Variants in PARD3 observed in about 807,000 individuals in gnomAD.
The protein encoded by PARD3 is partitioning defective 3 homolog.
Under a neutral mutation model 155.4 loss-of-function variants are expected in PARD3, and 75 were observed. The observed-to-expected ratio is 0.48, with a 90% CI of 0.40 to 0.58. The LOEUF (loss-of-function observed/expected upper bound fraction) is 0.58. Ranked by LOEUF, PARD3 falls within the 20% of genes least tolerant of loss-of-function variation. The pLI is 0.00. For synonymous variants in PARD3, 576 were observed against 610.5 expected (o/e 0.94, Z 0.83); for missense variants, 1,642 against 1,721.7 (o/e 0.95, Z 0.82).
rs1479206946 is a variant in PARD3 at position 34,528,892 on chromosome 10, A to G, written c.223-11733T>C. On this transcript the variant is annotated intron_variant, in intron 2 of 24. Transcript: ENST00000374788. ...ATGGAAAGGTGGTGAAAAGACAATC[A>G]GGATGTATAATTATTCAAATGCAGA... Among the ~76,000 whole-genome samples the G allele has an allele frequency of 4.6e-5, 7 of 152,316 alleles. No homozygotes were observed. The East Asian group carries it at 1.2e-3, about 25-fold the overall frequency.
In PARD3 at chr10:34,736,657, T is replaced by TTAATTA. The variant is rs1564563661; in HGVS notation, c.121-40239_121-40238insTAATTA. Among the ~76,000 whole-genome samples the TTAATTA allele has an allele frequency of 1.2e-3, 139 of 119,470 alleles. No individual in the cohort carries two copies. In the East Asian group the frequency reaches 0.028, roughly 24 times the overall value. The allele number at this position is 119,470 out of a possible 152,430, so 78.4% of individuals were successfully genotyped here. A position where few individuals can be genotyped will look rare whatever the true frequency, so the allele number is the denominator to read the frequency against. On this transcript the variant is annotated intron_variant, in intron 1 of 24. Coordinates refer to ENST00000374788, the MANE Select transcript of PARD3 (RefSeq NM_001184785.2). The stretch of plus-strand genomic sequence containing the variant: ...AGGTTACTTTATTAATTAATTAATT[T>TTAATTA]ATTTATTTATTTATTTATTTATTTA...
chr10:34,472,567 T>A (rs991069364), intron 3 of PARD3, among the ~76,000 whole-genome samples: 1 of 152,306 alleles, frequency 6.6e-6, no homozygotes, highest in Admixed American at 6.5e-5. Flanking sequence ...ACAGATTCTG[T>A]TGCTGTCCAA....
At chr10:34,481,488 C>G (rs533579445) in intron 3 of PARD3, among the ~76,000 whole-genome samples, 1 of 152,148 alleles carries the variant, frequency 6.6e-6, no homozygotes, top group Non-Finnish European at 1.5e-5. Flanking sequence ...TGCATAAAAA[C>G]GTGGTATCCC....
intron 5 of PARD3, among the ~76,000 whole-genome samples, chr10:34,416,562 G>A (rs1047749667): frequency 3.3e-5 from 5 of 152,130 alleles, no homozygotes; most frequent in Non-Finnish European, 5.9e-5. Context: ...AGGCATCTTT[G>A]CACCTACAGC....
At chr10:34,807,070 T>C (rs907943838) in intron 1 of PARD3, among the ~76,000 whole-genome samples, 3 of 151,468 alleles carry the variant, frequency 2.0e-5, no homozygotes, top group Admixed American at 2.0e-4. Context: ...GTAGAAGGAG[T>C]CTCTGGCTAA....
At chr10:34,170,864 T>C (rs1274123423) in intron 22 of PARD3, among the ~76,000 whole-genome samples, 1 of 152,234 alleles carries the variant, frequency 6.6e-6, no homozygotes, top group East Asian at 1.9e-4. Flanking sequence ...CAGCCTTGAT[T>C]AGTGCATCTG....
intron 22 of PARD3, among the ~76,000 whole-genome samples, chr10:34,268,686 C>T (rs1955461051): frequency 6.6e-6 from 1 of 151,902 alleles, no homozygotes; most frequent in South Asian, 2.1e-4. Context: ...GGACAGAAAA[C>T]CAAACACCAC....
chr10:34,172,000 C>T lies in PARD3; in HGVS notation c.3420-40417G>A, dbSNP rs913189330. 1.1e-4 allele frequency among the ~76,000 whole-genome samples: 16 copies of T among 149,588 alleles called. 1 individual carries two copies. Among genetic ancestry groups the T allele is most frequent in the Admixed American group, 6.7e-4 (10 of 14,994 alleles). On this transcript the variant is annotated intron_variant, in intron 22 of 24. Coordinates refer to ENST00000374788, the MANE Select transcript of PARD3 (RefSeq NM_001184785.2). ...AAAAAAAAAATTCAGAGTCCTCAACCCAACCCCCAACTTCTCTGGGTCTTT... is the reference window on the plus strand; with the variant it reads ...AAAAAAAAAATTCAGAGTCCTCAACTCAACCCCCAACTTCTCTGGGTCTTT...
chr10:34,174,913 A>G (rs1160877129), intron 22 of PARD3, among the ~76,000 whole-genome samples: 3 of 152,142 alleles, frequency 2.0e-5, no homozygotes, highest in African/African-American at 7.2e-5. Flanking sequence ...AGTATCTGTT[A>G]TTTTATTTAT....
At chr10:34,292,721 TA>T (rs201985561) in intron 20 of PARD3, among the ~76,000 whole-genome samples, 395 of 149,796 alleles carry the variant, frequency 2.6e-3, no homozygotes, top group Middle Eastern at 0.014. Flanking sequence ...TTATTATTAT[TA>T]TTTTTTTTTT....
At chr10:34,512,618 T>C (rs2081467429) in intron 3 of PARD3, among the ~76,000 whole-genome samples, 1 of 152,220 alleles carries the variant, frequency 6.6e-6, no homozygotes, top group African/African-American at 2.4e-5. Flanking sequence ...AATGCTGAGT[T>C]ACTGGGTTGG....
chr10:34,349,018 A>G (rs1306313094), intron 14 of PARD3, among the ~76,000 whole-genome samples: 4 of 152,184 alleles, frequency 2.6e-5, no homozygotes, highest in Admixed American at 2.0e-4. Context: ...ATTTAACTAC[A>G]ATCCTCATAA....
At position 34,795,331 on chromosome 10, in the gene PARD3, G is replaced by C. The variant is rs1842130125; in HGVS notation, c.120+19545C>G. ...CACTGGTAGTAAAACGTATTTCAGA[G>C]CAGGCATGGTAGTTCATACCTATAA... On this transcript the variant is annotated intron_variant, in intron 1 of 24. Coordinates refer to ENST00000374788, the MANE Select transcript of PARD3 (RefSeq NM_001184785.2). 2.0e-5 allele frequency among the ~76,000 whole-genome samples: 3 copies of C among 152,198 alleles called. No individual in the cohort carries two copies. In the South Asian group the frequency reaches 6.2e-4, roughly 32 times the overall value.
chr10:34,176,759 A>C (rs145312114), intron 22 of PARD3, among the ~76,000 whole-genome samples: 197 of 152,368 alleles, frequency 1.3e-3, no homozygotes, highest in African/African-American at 4.4e-3. Flanking sequence ...CAAAAAATAT[A>C]GCTTGCAAAG....
At chr10:34,556,432 G>T (rs1486145514) in intron 2 of PARD3, among the ~76,000 whole-genome samples, 1 of 148,468 alleles carries the variant, frequency 6.7e-6, no homozygotes, top group Non-Finnish European at 1.5e-5. Context: ...GCCCAGGCTA[G>T]AGTGCAGTGG....
intron 20 of PARD3, among the ~76,000 whole-genome samples, chr10:34,298,304 A>G (rs763069412): frequency 9.2e-5 from 14 of 152,182 alleles, no homozygotes; most frequent in Non-Finnish European, 1.8e-4. Context: ...ATAGAAACAC[A>G]TGTTAAGACA....
intron 19 of PARD3, among the ~76,000 whole-genome samples, chr10:34,330,388 T>C (rs1835484423): frequency 6.6e-6 from 1 of 152,166 alleles, no homozygotes; most frequent in South Asian, 2.1e-4. Context: ...ATATTAACCT[T>C]TGACTTTTAA....
chr10:34,477,989 C>A (rs1268549432), intron 3 of PARD3, among the ~76,000 whole-genome samples: 1 of 152,280 alleles, frequency 6.6e-6, no homozygotes, highest in East Asian at 1.9e-4. Context: ...GCAAAACCAA[C>A]CTTCAGATAT....
intron 1 of PARD3, among the ~76,000 whole-genome samples, chr10:34,707,431 A>T (rs982901468): frequency 6.6e-6 from 1 of 152,078 alleles, no homozygotes; most frequent in African/African-American, 2.4e-5. Flanking sequence ...AGCGGGATAC[A>T]CCACCAAAAA....
Sources: allele counts gnomAD v4.1 joint callset (sites outside exome capture counted in the v4.1 genomes callset), GRCh38; gene constraint gnomAD v4.1.1; transcripts MANE v1.5; gene names NCBI Gene and HGNC (gene_info 2026-07-23, HGNC 2026-07-21).